KATNBL1: variants seen among roughly 807,000 people sequenced by gnomAD.
KATNBL1 encodes katanin regulatory subunit B1 like 1.
In KATNBL1, 28 loss-of-function variants were observed where a neutral mutation model predicts 44.7. That is an observed-to-expected ratio of 0.63 (90% CI 0.46 to 0.86). KATNBL1 has a LOEUF of 0.86. Ranked by LOEUF, KATNBL1 falls within the 40% of genes least tolerant of loss-of-function variation. The probability of loss-of-function intolerance (pLI) is 0.00; values close to 1 mark genes in which losing one functional copy is unlikely to be tolerated. For missense variants in KATNBL1, 272 were observed against 350.7 expected (o/e 0.78, Z 1.79); for synonymous variants, 78 against 114.9 (o/e 0.68, Z 2.06).
At chr15:34,185,403 C>T (rs1034588460) in intron 1 of KATNBL1, among the ~76,000 whole-genome samples, 1 of 152,202 alleles carries the variant, frequency 6.6e-6, no homozygotes, top group African/African-American at 2.4e-5. Flanking sequence ...TATGACTGGG[C>T]ACTAACTAAT....
chr15:34,153,121 T>A, intron 3 of KATNBL1, 52 bp from the exon 4 acceptor site: 1 of 1,324,540 alleles, frequency 7.5e-7, no homozygotes, highest in Non-Finnish European at 1.0e-6. Flanking sequence ...TGAAATCCTT[T>A]AAAAGTTTTT....
intron 1 of KATNBL1, among the ~76,000 whole-genome samples, chr15:34,196,869 T>C (rs1715993612): frequency 6.6e-6 from 1 of 152,228 alleles, no homozygotes; most frequent in African/African-American, 2.4e-5. Flanking sequence ...ACTTCATTTA[T>C]GTTTAGCTTT....
intron 1 of KATNBL1, among the ~76,000 whole-genome samples, chr15:34,194,177 T>A (rs1889970224): frequency 6.6e-6 from 1 of 152,160 alleles, no homozygotes; most frequent in African/African-American, 2.4e-5. Flanking sequence ...CCTGTCCTCA[T>A]GATCCACCTG....
chr15:34,191,391 T>C (rs940801897), intron 1 of KATNBL1, among the ~76,000 whole-genome samples: 2 of 152,028 alleles, frequency 1.3e-5, no homozygotes, highest in Non-Finnish European at 2.9e-5. Flanking sequence ...GTAAAATTAC[T>C]GTAAGTCATG....
chr15:34,192,717 G>C (rs1389701992), intron 1 of KATNBL1, among the ~76,000 whole-genome samples: 2 of 152,124 alleles, frequency 1.3e-5, no homozygotes, highest in African/African-American at 4.8e-5. Flanking sequence ...TCCTGGATTT[G>C]GGTATAGGGA....
intron 2 of KATNBL1, among the ~76,000 whole-genome samples, chr15:34,155,164 A>G (rs1223670546): frequency 6.6e-6 from 1 of 152,230 alleles, no homozygotes; most frequent in Non-Finnish European, 1.5e-5. Flanking sequence ...AGAACAAAGT[A>G]TAAGAAAGCT....
chr15:34,169,566 G>C (rs1028383289), intron 1 of KATNBL1, among the ~76,000 whole-genome samples: 1 of 152,098 alleles, frequency 6.6e-6, no homozygotes, highest in Non-Finnish European at 1.5e-5. Context: ...AGAAAAAGAG[G>C]GAATCCTCCC....
intron 5 of KATNBL1, chr15:34,148,396 G>T (rs1888372720): frequency 1.3e-5 from 4 of 302,218 alleles, no homozygotes; most frequent in Non-Finnish European, 2.5e-5. Context: ...GACCAGCCCG[G>T]GAAACATAAG....
At chr15:34,161,232 GTTACCT>G (rs1489774491) in intron 2 of KATNBL1, among the ~76,000 whole-genome samples, 1 of 152,156 alleles carries the variant, frequency 6.6e-6, no homozygotes, top group Non-Finnish European at 1.5e-5. Flanking sequence ...TATGCACAGG[GTTACCT>G]GGTATGTGAT....
intron 1 of KATNBL1, among the ~76,000 whole-genome samples, chr15:34,180,458 G>C (rs1281875154): frequency 6.6e-6 from 1 of 152,016 alleles, no homozygotes. Flanking sequence ...GACTCTCCTT[G>C]TTCCCTTACC....
chr15:34,184,996 G>C (rs1026194956), intron 1 of KATNBL1, among the ~76,000 whole-genome samples: 9 of 151,778 alleles, frequency 5.9e-5, no homozygotes, highest in Non-Finnish European at 1.2e-4. Flanking sequence ...CTTGAGACAG[G>C]GTCTCGCTCT....
At chr15:34,167,465 T>C (rs1179192261) in intron 1 of KATNBL1, among the ~76,000 whole-genome samples, 6 of 133,486 alleles carry the variant, frequency 4.5e-5, no homozygotes, top group Non-Finnish European at 9.6e-5. Context: ...ACCAAATCTA[T>C]GTTTGATTGT....
chr15:34,204,686 C>T (rs1890248748), intron 1 of KATNBL1, among the ~76,000 whole-genome samples: 1 of 152,190 alleles, frequency 6.6e-6, no homozygotes. Context: ...AAACCATCTG[C>T]CAGACTTTCT....
At chr15:34,151,520 TG>T (rs922951772) in intron 4 of KATNBL1, among the ~76,000 whole-genome samples, 13 of 136,528 alleles carry the variant, frequency 9.5e-5, no homozygotes, top group Admixed American at 7.4e-4. Flanking sequence ...GACAAGATCT[TG>T]GCTCACTGCA....
chr15:34,146,245 G>A (rs1451869032), intron 8 of KATNBL1: 4 of 152,262 alleles, frequency 2.6e-5, no homozygotes, highest in African/African-American at 9.7e-5. Flanking sequence ...CACCGTGCCT[G>A]GCCCAAAATT....
intron 1 of KATNBL1, chr15:34,199,463 C>T (rs1374561716): frequency 1.3e-5 from 2 of 152,104 alleles, no homozygotes; most frequent in African/African-American, 4.8e-5. Flanking sequence ...ATAGATTTAC[C>T]AAATTAACAG....
intron 1 of KATNBL1, among the ~76,000 whole-genome samples, chr15:34,171,579 T>C (rs1302151023): frequency 6.6e-6 from 1 of 152,192 alleles, no homozygotes; most frequent in Non-Finnish European, 1.5e-5. Flanking sequence ...AGTGATCCCA[T>C]TACTGGGTAT....
chr15:34,166,883 G>T (rs976151074), intron 1 of KATNBL1, among the ~76,000 whole-genome samples: 24 of 152,188 alleles, frequency 1.6e-4, no homozygotes, highest in Non-Finnish European at 2.8e-4. Context: ...CTAACAAACA[G>T]AAAGGAATAG....
chr15:34,192,275 G>A (rs182169065), intron 1 of KATNBL1, among the ~76,000 whole-genome samples: 4 of 151,968 alleles, frequency 2.6e-5, no homozygotes, highest in Admixed American at 1.3e-4. Flanking sequence ...GTGGTGGCAC[G>A]TGCCTGTAAT....
Sources: allele counts gnomAD v4.1 joint callset (sites outside exome capture counted in the v4.1 genomes callset), GRCh38; gene constraint gnomAD v4.1.1; transcripts MANE v1.5; gene names NCBI Gene and HGNC (gene_info 2026-07-23, HGNC 2026-07-21).